CMIP: variants seen among roughly 807,000 people sequenced by gnomAD.
CMIP encodes c-Maf inducing protein, also known as C-Maf-inducing protein.
Under a neutral mutation model 97.3 loss-of-function variants are expected in CMIP, and 13 were observed. That is an observed-to-expected ratio of 0.13 (90% CI 0.09 to 0.21). The LOEUF (loss-of-function observed/expected upper bound fraction) is 0.21, where lower values mean the gene tolerates loss of function less well. CMIP is among the 10% of genes least tolerant of loss of function. CMIP has a pLI of 1.00. For missense variants in CMIP, 847 were observed against 1,024.9 expected (o/e 0.83, Z 2.37); for synonymous variants, 538 against 436.3 (o/e 1.23, Z -2.91).
chr16:81,662,843 G>C, intron 6 of CMIP, among the ~76,000 whole-genome samples: 1 of 152,176 alleles, frequency 6.6e-6, no homozygotes. Flanking sequence ...GAGTGCTAAA[G>C]CCACCAGTTG....
At chr16:81,659,114 C>A (rs1335894489) in intron 5 of CMIP, among the ~76,000 whole-genome samples, 1 of 152,258 alleles carries the variant, frequency 6.6e-6, no homozygotes, top group Non-Finnish European at 1.5e-5. Context: ...CTTGCCAGAA[C>A]AGGAGGACAA....
chr16:81,670,161 G>T lies in CMIP; in HGVS notation c.845G>T (p.Arg282Leu). 1.2e-6 allele frequency: 2 copies of T among 1,609,764 alleles called. No homozygotes were observed. Among genetic ancestry groups the T allele is most frequent in the South Asian group, 1.1e-5 (1 of 89,750 alleles). ...KHNMDFGKCP[R>L]LRLFTQEYIL... is the part of the protein sequence containing the mutation. ...CCACAGGACTTTGGGAAGTGCCCGC[G>T]ACTGAGGCTGTTTACTCAGGAGTAC... The change falls in exon 8 of 21, where the codon CGA becomes CTA. Residue 282 changes from arginine (R) to leucine (L), a missense_variant. Coordinates refer to ENST00000537098, the MANE Select transcript of CMIP (RefSeq NM_198390.3).
chr16:81,555,632 G>T (rs1248135642), intron 1 of CMIP, among the ~76,000 whole-genome samples: 1 of 152,210 alleles, frequency 6.6e-6, no homozygotes, highest in Admixed American at 6.5e-5. Flanking sequence ...TCCCTAGGCG[G>T]CCTGGCAGTG....
chr16:81,623,316 A>C (rs886358161), intron 3 of CMIP, among the ~76,000 whole-genome samples: 7 of 152,228 alleles, frequency 4.6e-5, no homozygotes, highest in African/African-American at 1.7e-4. Context: ...GGATGTTTGC[A>C]TTCAATTATG....
chr16:81,513,587 T>C (rs111830682), intron 1 of CMIP, among the ~76,000 whole-genome samples: 85 of 152,328 alleles, frequency 5.6e-4, no homozygotes, highest in African/African-American at 1.9e-3. Flanking sequence ...TACCTCCAGC[T>C]TGTGCTGAGG....
intron 14 of CMIP, chr16:81,696,873 A>C (rs1190011333): frequency 1.7e-6 from 1 of 596,538 alleles, no homozygotes; most frequent in African/African-American, 1.9e-5. Flanking sequence ...GCTCCAAGCC[A>C]AGCACTTGGC....
In CMIP at chr16:81,664,400, C is replaced by T. The variant is rs2092581069; in HGVS notation, c.825+51C>T. On this transcript the variant is annotated intron_variant, in intron 7 of 20. Transcript: ENST00000537098. The stretch of plus-strand genomic sequence containing the variant: ...GACCCCAGCGCCCAGAACATGAGGC[C>T]CCGCGCGCCTCCCTGGCCTTTTGCG... 4 of 1,523,388 alleles carry T rather than the reference C, an allele frequency of 2.6e-6. No individual in the cohort carries two copies. In the Admixed American group the frequency reaches 5.9e-5, roughly 22 times the overall value. The allele number at this position is 1,523,388 out of a possible 1,614,324, so 94.4% of individuals were successfully genotyped here.
chr16:81,449,175 C>A (rs977583749), intron 1 of CMIP, among the ~76,000 whole-genome samples: 1 of 152,186 alleles, frequency 6.6e-6, no homozygotes, highest in East Asian at 1.9e-4. Context: ...ATGTGGCACA[C>A]GGTATTTCAG....
chr16:81,664,371 C>A, intron 7 of CMIP, 22 bp downstream of exon 7: 1 of 1,572,316 alleles, frequency 6.4e-7, no homozygotes, highest in Non-Finnish European at 8.6e-7. Context: ...TGCCCCAACA[C>A]CCAGACCCCA....
At chr16:81,605,318 G>A (rs558765799) in intron 1 of CMIP, among the ~76,000 whole-genome samples, 10 of 152,316 alleles carry the variant, frequency 6.6e-5, no homozygotes, top group African/African-American at 2.2e-4. Context: ...CCTCTGAGGG[G>A]TGAGCGATGC....
chr16:81,640,738 A>ATGTG (rs751455480), intron 3 of CMIP, among the ~76,000 whole-genome samples: 58 of 139,042 alleles, frequency 4.2e-4, no homozygotes, highest in Middle Eastern at 3.7e-3. Flanking sequence ...TCTCTGGAGC[A>ATGTG]TGTGTGTGTG....
chr16:81,497,671 A>G (rs192393507), intron 1 of CMIP, among the ~76,000 whole-genome samples: 36 of 152,286 alleles, frequency 2.4e-4, no homozygotes, highest in Admixed American at 1.8e-3. Context: ...GTTAACCCCA[A>G]ATCCCACAGG....
At chr16:81,546,601 T>C (rs2090550708) in intron 1 of CMIP, among the ~76,000 whole-genome samples, 1 of 152,154 alleles carries the variant, frequency 6.6e-6, no homozygotes, top group African/African-American at 2.4e-5. Flanking sequence ...GCGAACACAG[T>C]TGTGTGTCTC....
rs563436188 is a variant in CMIP, at chr16:81,601,554, C to G, written c.301-6013C>G. Among the ~76,000 whole-genome samples the G allele has an allele frequency of 2.0e-5, 3 of 152,252 alleles. No homozygotes were observed. The South Asian group carries it at 6.2e-4, about 32-fold the overall frequency. Reference sequence around the variant, plus strand: ...GAGGTCCTTCTAGGCCCTATTTTTTCCAGCCCAGATCCAGCATTGTGTGCC... The same window carrying G: ...GAGGTCCTTCTAGGCCCTATTTTTTGCAGCCCAGATCCAGCATTGTGTGCC... On this transcript the variant is annotated intron_variant, in intron 1 of 20. Transcript: ENST00000537098.
intron 10 of CMIP, among the ~76,000 whole-genome samples, chr16:81,687,788 C>G (rs1235927611): frequency 6.6e-6 from 1 of 152,192 alleles, no homozygotes; most frequent in Non-Finnish European, 1.5e-5. Context: ...CCAAAAAACT[C>G]CCTCTTTATG....
intron 1 of CMIP, among the ~76,000 whole-genome samples, chr16:81,485,513 T>C (rs1259068798): frequency 6.6e-6 from 1 of 152,238 alleles, no homozygotes; most frequent in East Asian, 1.9e-4. Context: ...GATTCTACAG[T>C]GTGGCCTGGG....
Position 81,520,725 on chromosome 16 carries a change from TCAGA to T in CMIP, c.300+75188_300+75191del, listed in dbSNP as rs2090008256. 3 of 151,834 alleles carry T rather than the reference TCAGA, an allele frequency of 2.0e-5. No individual in the cohort carries two copies. The South Asian group carries it at 6.3e-4, about 32-fold the overall frequency. 9.4% of individuals were successfully genotyped at this position (151,834 alleles called of 1,614,324 possible). ...ATCAGAATTTCTCATGACTGGAGAG[TCAGA>T]CAGTCTGCCCATTGTGCTGTGTGAC... On this transcript the variant is annotated intron_variant, in intron 1 of 20. Coordinates refer to ENST00000537098, the MANE Select transcript of CMIP (RefSeq NM_198390.3).
chr16:81,575,077 G>A (rs143991581), intron 1 of CMIP, among the ~76,000 whole-genome samples: 5 of 152,168 alleles, frequency 3.3e-5, no homozygotes, highest in Admixed American at 1.3e-4. Context: ...GAGTTGCCTC[G>A]TAATATAATA....
At chr16:81,676,310 G>A (rs1904307852) in intron 9 of CMIP, among the ~76,000 whole-genome samples, 2 of 151,820 alleles carry the variant, frequency 1.3e-5, no homozygotes. Context: ...GGTCCATGAC[G>A]CCCCCCTCAG....
Sources: gnomAD v4.1 joint callset for allele counts (sites outside exome capture counted in the v4.1 genomes callset) on GRCh38, gnomAD v4.1.1 for gene constraint, MANE v1.5 for transcripts, NCBI Gene and HGNC (gene_info 2026-07-23, HGNC 2026-07-21) for gene names.